Variants in RBFOX1 observed in about 807,000 individuals in gnomAD.
RBFOX1 encodes RNA binding fox-1 homolog 1.
Under a neutral mutation model 57.7 loss-of-function variants are expected in RBFOX1, and 8 were observed. The ratio of observed to expected loss-of-function variants is 0.14; its 90% CI spans 0.08 to 0.25. The LOEUF is 0.25. Among genes scored for constraint, RBFOX1 ranks in the 10% least tolerant of loss-of-function variants. The probability of loss-of-function intolerance (pLI) is 1.00; values close to 1 mark genes in which losing one functional copy is unlikely to be tolerated. For synonymous variants in RBFOX1, 326 were observed against 222.4 expected, an observed-to-expected ratio of 1.47 and a Z score of -4.15; for missense variants, 611 against 548.5, an observed-to-expected ratio of 1.11 and a Z score of -1.14.
chr16:6,106,255 C>G (rs946493131), intron 1 of RBFOX1, among the ~76,000 whole-genome samples: 1 of 151,680 alleles, frequency 6.6e-6, no homozygotes, highest in Non-Finnish European at 1.5e-5. Flanking sequence ...GTCAGGCATT[C>G]CAGACTACCC....
At chr16:7,206,684 C>G (rs532292431) in intron 4 of RBFOX1, among the ~76,000 whole-genome samples, 2 of 152,170 alleles carry the variant, frequency 1.3e-5, no homozygotes, top group African/African-American at 2.4e-5. Flanking sequence ...GAAGTCCTGA[C>G]AAGCACAGAG....
intron 3 of RBFOX1, among the ~76,000 whole-genome samples, chr16:5,712,774 T>C (rs1269578702): frequency 6.6e-6 from 1 of 152,192 alleles, no homozygotes; most frequent in Admixed American, 6.5e-5. Flanking sequence ...TGAAGAAATT[T>C]CCTGGCTCCC....
At chr16:6,805,876 A>G (rs994550891) in intron 3 of RBFOX1, among the ~76,000 whole-genome samples, 1 of 152,100 alleles carries the variant, frequency 6.6e-6, no homozygotes, top group Non-Finnish European at 1.5e-5. Context: ...TCTTTCCAAC[A>G]CGAATCACTA....
chr16:7,160,163 C>T (rs533944989), intron 4 of RBFOX1, among the ~76,000 whole-genome samples: 2 of 151,304 alleles, frequency 1.3e-5, no homozygotes, highest in South Asian at 2.1e-4. Flanking sequence ...TCTGAGGATT[C>T]TTGGTTTCCA....
At chr16:5,433,962 C>T (rs1223495597) in intron 1 of RBFOX1, among the ~76,000 whole-genome samples, 1 of 152,130 alleles carries the variant, frequency 6.6e-6, no homozygotes, top group East Asian at 1.9e-4. Context: ...ATGTTCGAAT[C>T]ACCTGGGGGA....
intron 3 of RBFOX1, among the ~76,000 whole-genome samples, chr16:6,914,765 T>TTTGA (rs1274261812): frequency 6.6e-6 from 1 of 152,068 alleles, no homozygotes; most frequent in Non-Finnish European, 1.5e-5. Context: ...TCCCAGCTAC[T>TTTGA]TTGAAGGCTG....
chr16:6,019,282 C>A lies in RBFOX1; in HGVS notation c.-837C>A. The A allele has an allele frequency of 2.0e-6, 2 of 985,234 alleles. No homozygotes were observed. Among genetic ancestry groups the A allele is most frequent in the Non-Finnish European group, 2.4e-6 (2 of 830,088 alleles). 61.0% of individuals were successfully genotyped at this position (985,234 alleles called of 1,614,324 possible). ...CCAGCCCCCTTCCTGGTCTCCCGAG[C>A]GCGGGGTTTGAAGGTCACCTCCTTT... On this transcript the variant is annotated 5_prime_UTR_variant, in exon 1 of 16. Coordinates refer to ENST00000550418, the MANE Select transcript of RBFOX1 (RefSeq NM_018723.4). This position sits in a 1 kb window ranked among gnomAD's most constrained non-coding sequence, Gnocchi z 4.2.
At chr16:7,327,990 TTC>T (rs1568228569) in intron 4 of RBFOX1, among the ~76,000 whole-genome samples, 1 of 152,096 alleles carries the variant, frequency 6.6e-6, no homozygotes, top group East Asian at 1.9e-4. Context: ...CAGCCAACAC[TTC>T]TGTTTCTTCC....
intron 2 of RBFOX1, among the ~76,000 whole-genome samples, chr16:5,545,876 A>G (rs4531733): frequency 0.31 from 46,967 of 152,020 alleles, 8,608 homozygotes; most frequent in East Asian, 0.85. Flanking sequence ...AGTAAAGGAT[A>G]AAATAGATGT....
intron 1 of RBFOX1, chr16:6,037,826 C>G (rs2095386527): frequency 6.6e-6 from 1 of 152,148 alleles, no homozygotes; most frequent in African/African-American, 2.4e-5. Flanking sequence ...AACTCCTGAA[C>G]TCAGACAATC....
chr16:5,541,276 G>A (rs1054350934), intron 2 of RBFOX1, among the ~76,000 whole-genome samples: 15 of 152,066 alleles, frequency 9.9e-5, no homozygotes, highest in East Asian at 1.9e-4. Flanking sequence ...TATTGTGAAC[G>A]CTGAAAATCT....
chr16:5,691,353 G>T (rs9926632), intron 3 of RBFOX1, among the ~76,000 whole-genome samples: 1 of 152,168 alleles, frequency 6.6e-6, no homozygotes, highest in Non-Finnish European at 1.5e-5. Context: ...GATGCAAGAT[G>T]TACTGGAGTG....
chr16:7,433,487 A>C (rs895741081), intron 4 of RBFOX1, among the ~76,000 whole-genome samples: 2 of 152,226 alleles, frequency 1.3e-5, no homozygotes, highest in South Asian at 2.1e-4. Flanking sequence ...CTGAGTCCAT[A>C]ATGCTGTGTT....
chr16:6,049,852 A>G (rs1451466807), intron 1 of RBFOX1, among the ~76,000 whole-genome samples: 1 of 151,906 alleles, frequency 6.6e-6, no homozygotes, highest in African/African-American at 2.4e-5. Context: ...TGATTTTATG[A>G]TAGTTTGTTT....
At position 7,500,137 on chromosome 16, in the gene RBFOX1, A is replaced by G. The variant is rs1471670848; in HGVS notation, c.28-18010A>G. ...ACATTCTTAGCTACGGAAGAATAATATTTATGCACTGCTTAATCATGTGAA... is the reference window on the plus strand; with the variant it reads ...ACATTCTTAGCTACGGAAGAATAATGTTTATGCACTGCTTAATCATGTGAA... On this transcript the variant is annotated intron_variant, in intron 4 of 15. Coordinates refer to ENST00000550418, the MANE Select transcript of RBFOX1 (RefSeq NM_018723.4). Among the ~76,000 whole-genome samples, 6 of 152,128 alleles carry G rather than the reference A, an allele frequency of 3.9e-5. No individual in the cohort carries two copies. In the East Asian group the frequency reaches 1.2e-3, roughly 29 times the overall value.
At chr16:7,699,958 A>T (rs543657410) in intron 14 of RBFOX1, among the ~76,000 whole-genome samples, 1 of 152,246 alleles carries the variant, frequency 6.6e-6, no homozygotes, top group East Asian at 1.9e-4. Context: ...GGACATTGTC[A>T]GTGTCTTGGT....
At chr16:5,877,149 G>A (rs996391894) in intron 4 of RBFOX1, among the ~76,000 whole-genome samples, 1 of 152,224 alleles carries the variant, frequency 6.6e-6, no homozygotes, top group Non-Finnish European at 1.5e-5. Context: ...AAGAGATTGT[G>A]TCTGCTCTCC....
intron 1 of RBFOX1, among the ~76,000 whole-genome samples, chr16:6,035,812 GAGA>G (rs1471989392): frequency 2.0e-5 from 3 of 152,176 alleles, no homozygotes; most frequent in African/African-American, 4.8e-5. Context: ...CTTTTTGGCT[GAGA>G]AGAAGGATTA....
chr16:5,976,640 A>G (rs2060068518), intron 4 of RBFOX1, among the ~76,000 whole-genome samples: 1 of 152,170 alleles, frequency 6.6e-6, no homozygotes, highest in Non-Finnish European at 1.5e-5. Context: ...AGGCCGAGGT[A>G]GACAGATTAC....
Sources: allele counts gnomAD v4.1 joint callset (sites outside exome capture counted in the v4.1 genomes callset), GRCh38; gene constraint gnomAD v4.1.1; non-coding constraint Gnocchi (gnomAD v3.1); transcripts MANE v1.5; gene names NCBI Gene and HGNC (gene_info 2026-07-23, HGNC 2026-07-21).